The following ZNF808 variants were observed in gnomAD, a reference collection of about 807,000 sequenced individuals.
The protein encoded by ZNF808 is zinc finger protein 808.
ZNF808 carries 5 observed loss-of-function variants against 8.7 expected under a neutral mutation model. The ratio of observed to expected loss-of-function variants is 0.58; its 90% confidence interval spans 0.30 to 1.21. The LOEUF is 1.21. ZNF808 is among the 50% of genes most tolerant of loss of function. ZNF808 has a pLI of 0.07. For missense variants in ZNF808, 1,103 were observed against 1,098.4 expected (o/e 1.00, Z -0.06); for synonymous variants, 380 against 366.0 (o/e 1.04, Z -0.44).
chr19:52,549,414 G>A (rs2059753971), intron 4 of ZNF808, among the ~76,000 whole-genome samples: 1 of 152,152 alleles, frequency 6.6e-6, no homozygotes, highest in African/African-American at 2.4e-5. Flanking sequence ...AGGGGATATT[G>A]TTGAGTATAT....
downstream of ZNF808, among the ~76,000 whole-genome samples, chr19:52,566,092 C>G (rs2123234610): frequency 6.6e-6 from 1 of 152,134 alleles, no homozygotes; most frequent in East Asian, 1.9e-4. Flanking sequence ...ATTTATTCAC[C>G]ATAGGGAAAT....
chr19:52,551,638 A>C (rs1220572386), intron 4 of ZNF808, among the ~76,000 whole-genome samples: 1 of 151,974 alleles, frequency 6.6e-6, no homozygotes, highest in East Asian at 1.9e-4. Context: ...TTTATTAATT[A>C]ATTTTATAAT....
chr19:52,531,352 G>T (rs2059560312), intron 1 of ZNF808, among the ~76,000 whole-genome samples: 1 of 150,306 alleles, frequency 6.7e-6, no homozygotes, highest in Non-Finnish European at 1.5e-5. Flanking sequence ...GCGCGTGGCT[G>T]TAATCTCAGC....
At chr19:52,547,726 C>G in intron 4 of ZNF808, 88 bp downstream of exon 4, 3 of 1,550,866 alleles carry the variant, frequency 1.9e-6, no homozygotes, top group East Asian at 2.3e-5. Context: ...GTGATTTTGC[C>G]CCATCCATGC....
At position 52,549,151 on chromosome 19, in the gene ZNF808, A is replaced by AT. The variant is rs551433155; in HGVS notation, c.190+1521dup. On this transcript the variant is annotated intron_variant, in intron 4 of 4. Coordinates refer to ENST00000359798, the MANE Select transcript of ZNF808 (RefSeq NM_001039886.4). ...CCACCATGCCCGGCTAATGTTTTGT[A>AT]TTTTTTTTAGTAGAGACAGTGTTTC... Among the ~76,000 whole-genome samples the AT allele has an allele frequency of 4.1e-3, 617 of 151,560 alleles. 3 individuals are homozygous for AT. Among genetic ancestry groups the AT allele is most frequent in the African/African-American group, 0.014 (585 of 41,288 alleles).
downstream of ZNF808, among the ~76,000 whole-genome samples, chr19:52,566,957 G>GTTTTTT (rs58981436): frequency 6.9e-6 from 1 of 145,748 alleles, no homozygotes; most frequent in Non-Finnish European, 1.5e-5. Flanking sequence ...AAGGATAGGT[G>GTTTTTT]TTTTTTTTTT....
rs769629951 is a variant in ZNF808, at chr19:52,543,248, A to G, written c.-19-18A>G. The G allele has an allele frequency of 1.9e-6, 3 of 1,607,234 alleles. No individual in the cohort carries two copies. The highest frequency in any genetic ancestry group is 2.7e-5 in the African/African-American group (2 of 74,384). On this transcript the variant is annotated intron_variant, in intron 2 of 4. Transcript: ENST00000359798. ...TGAGTCATTTCTAACATGAAGTCTT[A>G]TTTTTTTTCACATACAGGATTGATT...
chr19:52,541,290 T>C lies in ZNF808; in HGVS notation c.-19-1976T>C, dbSNP rs529755808. Among the ~76,000 whole-genome samples, 58 of 151,878 alleles carry C rather than the reference T, an allele frequency of 3.8e-4. 1 individual carries two copies. Among genetic ancestry groups the C allele is most frequent in the African/African-American group, 1.3e-3 (52 of 41,460 alleles). On this transcript the variant is annotated intron_variant, in intron 2 of 4. Coordinates refer to ENST00000359798, the MANE Select transcript of ZNF808 (RefSeq NM_001039886.4). Reference sequence around the variant, plus strand: ...AACCGTTTTTAAATAAAATTTTTCATGGTGTGACATAGAGATCCAATATTA... The same window carrying C: ...AACCGTTTTTAAATAAAATTTTTCACGGTGTGACATAGAGATCCAATATTA...
intron 2 of ZNF808, among the ~76,000 whole-genome samples, chr19:52,536,993 C>G (rs1197915532): frequency 3.0e-5 from 4 of 133,580 alleles, no homozygotes; most frequent in African/African-American, 1.2e-4. Context: ...TCGAGACCAG[C>G]CTGACCAACA....
At chr19:52,560,509 G>C (rs1288456095), downstream of ZNF808, among the ~76,000 whole-genome samples, 1 of 148,312 alleles carries the variant, frequency 6.7e-6, no homozygotes, top group Non-Finnish European at 1.5e-5. Context: ...CATTTTTTTT[G>C]TGTGTATGAA....
At position 52,554,869 on chromosome 19, in the gene ZNF808, C is replaced by G; in HGVS notation, c.1953C>G (p.Tyr651Ter). 1 of 1,614,186 alleles carries G rather than the reference C, an allele frequency of 6.2e-7. No individual in the cohort carries two copies. The highest frequency in any genetic ancestry group is 8.5e-7 in the Non-Finnish European group (1 of 1,180,036). The change falls in exon 5 of 5, where the codon TAC becomes TAG. Residue 651 changes from tyrosine (Y) to a stop codon, truncating the protein, a stop_gained. Coordinates refer to ENST00000359798, the MANE Select transcript of ZNF808 (RefSeq NM_001039886.4). LOFTEE classifies it low-confidence loss of function (END_TRUNC). ...GAATTCACACTGGAGAAAAAACTTA[C>G]AAGTGTAATGAGTGTGGGAAGACCT... The part of the protein sequence containing the change: ...HTRIHTGEKT[Y>*]KCNECGKTFS...
At chr19:52,531,788 G>T (rs1048725573) in intron 1 of ZNF808, among the ~76,000 whole-genome samples, 8 of 152,118 alleles carry the variant, frequency 5.3e-5, no homozygotes, top group Admixed American at 5.2e-4. Flanking sequence ...TAAGGGCAAT[G>T]AATATATATA....
In ZNF808 at chr19:52,553,929, C is replaced by A. The variant is rs2059804705; in HGVS notation, c.1013C>A (p.Thr338Asn). The change falls in exon 5 of 5, where the codon ACT (threonine) becomes AAT (asparagine). Residue 338 changes from threonine (T) to asparagine (N), a missense_variant. By Grantham distance (65) the Thr-to-Asn change is moderately conservative (BLOSUM62 0). Transcript: ENST00000359798. ...CTTGTAATTCATAAGGCAATTCATA[C>A]TGGAGAGAAACCTTACAAGTGTAAT... ...SALVIHKAIH[T>N]GEKPYKCNEC... 1.2e-6 allele frequency: 2 copies of A among 1,613,978 alleles called. No individual in the cohort carries two copies. Among genetic ancestry groups the A allele is most frequent in the Non-Finnish European group, 8.5e-7 (1 of 1,180,024 alleles).
chr19:52,560,612 C>T (rs113105747), downstream of ZNF808, among the ~76,000 whole-genome samples: 92 of 152,264 alleles, frequency 6.0e-4, no homozygotes, highest in African/African-American at 2.1e-3. Context: ...ACTGCTTTCA[C>T]CTCAGGCCAC....
chr19:52,550,646 C>T (rs2059767883), intron 4 of ZNF808, among the ~76,000 whole-genome samples: 1 of 151,982 alleles, frequency 6.6e-6, no homozygotes, highest in African/African-American at 2.4e-5. Context: ...CTGCCTCAGG[C>T]TCCCAAGTAG....
At chr19:52,566,429 G>A (rs2059873154), downstream of ZNF808, among the ~76,000 whole-genome samples, 2 of 151,958 alleles carry the variant, frequency 1.3e-5, no homozygotes, top group Admixed American at 1.3e-4. Flanking sequence ...GCCTCCCAAA[G>A]TGCTGAGATT....
chr19:52,539,349 C>T (rs2059646272), intron 2 of ZNF808, among the ~76,000 whole-genome samples: 1 of 151,242 alleles, frequency 6.6e-6, no homozygotes, highest in Admixed American at 6.6e-5. Context: ...CCTGCAGCCA[C>T]ACCTGTCTGA....
chr19:52,558,327 G>A (rs1400997074), downstream of ZNF808, among the ~76,000 whole-genome samples: 1 of 151,192 alleles, frequency 6.6e-6, no homozygotes, highest in Non-Finnish European at 1.5e-5. Flanking sequence ...CTCCCAAAGT[G>A]CTGGGATTAC....
intron 4 of ZNF808, among the ~76,000 whole-genome samples, chr19:52,549,005 C>G (rs186939267): frequency 1.1e-4 from 17 of 151,788 alleles, no homozygotes; most frequent in African/African-American, 1.4e-4. Flanking sequence ...TGGAATATTG[C>G]TCTGTCACCC....
Sources: gnomAD v4.1 joint callset for allele counts (sites outside exome capture counted in the v4.1 genomes callset) on GRCh38, gnomAD v4.1.1 for gene constraint, MANE v1.5 for transcripts, NCBI Gene and HGNC (gene_info 2026-07-23, HGNC 2026-07-21) for gene names.